The following CDH13 variants were observed in gnomAD, a reference collection of about 807,000 sequenced individuals.
CDH13 encodes cadherin-13.
In CDH13, 24 loss-of-function variants were observed where a neutral mutation model predicts 63.8. That is an observed-to-expected ratio of 0.38 (90% CI 0.27 to 0.53). The LOEUF (loss-of-function observed/expected upper bound fraction) is 0.53. CDH13 is among the 20% of genes least tolerant of loss of function. The pLI, the probability that CDH13 is intolerant of heterozygous loss-of-function variation, is 0.85. For missense variants in CDH13, 1,049 were observed against 903.1 expected (o/e 1.16, Z -2.07); for synonymous variants, 503 against 355.3 (o/e 1.42, Z -4.67).
chr16:82,919,973 T>C (rs1405881918), intron 2 of CDH13, among the ~76,000 whole-genome samples: 2 of 152,340 alleles, frequency 1.3e-5, no homozygotes, highest in South Asian at 2.1e-4. Context: ...ATTTGTTTGA[T>C]AGAAAGAGTA....
chr16:83,451,741 C>G (rs12716736), intron 6 of CDH13, among the ~76,000 whole-genome samples: 88,529 of 152,106 alleles, frequency 0.58, 26,684 homozygotes, highest in East Asian at 0.87. Flanking sequence ...TGGTCTTGAA[C>G]TCCTGGACTC....
chr16:83,313,921 C>A (rs921770677), intron 5 of CDH13, among the ~76,000 whole-genome samples: 15 of 152,278 alleles, frequency 9.9e-5, no homozygotes, highest in African/African-American at 3.6e-4. Flanking sequence ...CTACTTAAAA[C>A]TGTGGTGCAA....
At chr16:83,106,871 C>T (rs66702808) in intron 3 of CDH13, among the ~76,000 whole-genome samples, 15,662 of 152,078 alleles carry the variant, frequency 0.1, 850 homozygotes, top group Non-Finnish European at 0.11. Flanking sequence ...TGGAGTTTCT[C>T]TGATGAACCT....
chr16:82,702,450 A>G (rs1458522088), intron 1 of CDH13, among the ~76,000 whole-genome samples: 1 of 152,180 alleles, frequency 6.6e-6, no homozygotes, highest in African/African-American at 2.4e-5. Flanking sequence ...CAGGGCCCAC[A>G]TGCAGTACCT....
At position 82,858,439 on chromosome 16, in the gene CDH13, A is replaced by G. The variant is rs778761613; in HGVS notation, c.123A>G (p.Pro41=). ...AGAAAGTGTTCCATATCAATCAGCC[A>G]GCTGAATTCATTGAGGACCAGTCAA... is the stretch of plus-strand genomic sequence containing the variant. The part of the protein sequence containing the change: ...FQQKVFHINQ[P]AEFIEDQSIL... Residue 41 remains proline (P), a synonymous_variant, in exon 2 of 14, where the codon CCA becomes CCG. Transcript: ENST00000567109. The G allele has an allele frequency of 1.2e-6, 2 of 1,613,166 alleles. No individual in the cohort carries two copies. The highest frequency in any genetic ancestry group is 1.7e-6 in the Non-Finnish European group (2 of 1,179,112).
intron 5 of CDH13, among the ~76,000 whole-genome samples, chr16:83,339,009 C>T (rs1004618998): frequency 6.6e-6 from 1 of 152,140 alleles, no homozygotes; most frequent in African/African-American, 2.4e-5. Context: ...CTATAGAAAA[C>T]AGATGGTGGC....
intron 1 of CDH13, among the ~76,000 whole-genome samples, chr16:82,731,120 G>A (rs967379785): frequency 3.3e-5 from 5 of 152,122 alleles, no homozygotes; most frequent in African/African-American, 9.7e-5. Flanking sequence ...GTATTTATAT[G>A]ACAGGAACTG....
At chr16:83,741,357 C>T (rs546923053) in intron 10 of CDH13, among the ~76,000 whole-genome samples, 1 of 151,976 alleles carries the variant, frequency 6.6e-6, no homozygotes, top group African/African-American at 2.4e-5. Context: ...CCCTTCTTTC[C>T]TACAGTTTTA....
intron 1 of CDH13, among the ~76,000 whole-genome samples, chr16:82,833,628 C>T (rs1239320069): frequency 2.6e-5 from 4 of 152,226 alleles, no homozygotes; most frequent in Non-Finnish European, 2.9e-5. Context: ...CCCTTCCCTC[C>T]CGCTCTGTTC....
At chr16:82,877,510 T>C (rs147842308) in intron 2 of CDH13, among the ~76,000 whole-genome samples, 1 of 152,200 alleles carries the variant, frequency 6.6e-6, no homozygotes, top group South Asian at 2.1e-4. Context: ...TCACATTTGT[T>C]CCATGTTAGC....
intron 1 of CDH13, among the ~76,000 whole-genome samples, chr16:82,840,150 A>G (rs2038945014): frequency 6.6e-6 from 1 of 152,118 alleles, no homozygotes; most frequent in African/African-American, 2.4e-5. Flanking sequence ...TATAATGATA[A>G]TAGGAGGGCT....
intron 6 of CDH13, among the ~76,000 whole-genome samples, chr16:83,401,380 A>G (rs1344163294): frequency 6.6e-6 from 1 of 151,636 alleles, no homozygotes; most frequent in Non-Finnish European, 1.5e-5. Context: ...AAATTAAAAA[A>G]TTAGCCAGGC....
chr16:82,838,318 G>A (rs530351899), intron 1 of CDH13, among the ~76,000 whole-genome samples: 14 of 152,264 alleles, frequency 9.2e-5, no homozygotes, highest in Middle Eastern at 3.4e-3. Context: ...GAACATGCCC[G>A]TCCTATTTAT....
intron 2 of CDH13, among the ~76,000 whole-genome samples, chr16:83,008,587 G>T: frequency 6.6e-6 from 1 of 152,032 alleles, no homozygotes; most frequent in South Asian, 2.1e-4. Context: ...TTCAGTAGAC[G>T]AGTGACACAA....
chr16:83,002,761 C>T (rs372773718), intron 2 of CDH13, among the ~76,000 whole-genome samples: 4 of 152,054 alleles, frequency 2.6e-5, no homozygotes, highest in South Asian at 2.1e-4. Flanking sequence ...GGGAATGTGC[C>T]GTGTAGGTAT....
intron 3 of CDH13, among the ~76,000 whole-genome samples, chr16:83,109,257 G>A (rs1256407094): frequency 6.6e-6 from 1 of 152,166 alleles, no homozygotes; most frequent in African/African-American, 2.4e-5. Flanking sequence ...TTTCCCAGGT[G>A]GAATCTGTAG....
At chr16:83,084,615 G>A (rs1240444973) in intron 3 of CDH13, among the ~76,000 whole-genome samples, 1 of 152,202 alleles carries the variant, frequency 6.6e-6, no homozygotes. Context: ...GTACCCAGGT[G>A]CAGTGGCTCA....
intron 6 of CDH13, among the ~76,000 whole-genome samples, chr16:83,435,531 A>G (rs747420245): frequency 6.6e-6 from 1 of 151,910 alleles, no homozygotes; most frequent in Non-Finnish European, 1.5e-5. Context: ...ACTCTGTCTC[A>G]TTCCACTCTC....
At chr16:83,682,279 G>A (rs963895050) in intron 10 of CDH13, among the ~76,000 whole-genome samples, 1 of 152,084 alleles carries the variant, frequency 6.6e-6, no homozygotes, top group African/African-American at 2.4e-5. Flanking sequence ...TCCCTTCTGG[G>A]AGTCTTCCAT....
Sources: allele counts gnomAD v4.1 joint callset (sites outside exome capture counted in the v4.1 genomes callset), GRCh38; gene constraint gnomAD v4.1.1; transcripts MANE v1.5; gene names NCBI Gene and HGNC (gene_info 2026-07-23, HGNC 2026-07-21).